CAST: variants seen among roughly 807,000 people sequenced by gnomAD.
CAST encodes calpastatin, also known as MIR583 host.
Under a neutral mutation model 119.6 loss-of-function variants are expected in CAST, and 76 were observed. The ratio of observed to expected loss-of-function variants is 0.64; its 90% confidence interval spans 0.53 to 0.77. The LOEUF (loss-of-function observed/expected upper bound fraction) is 0.77, where lower values mean the gene tolerates loss of function less well. CAST is among the 30% of genes least tolerant of loss of function. The pLI is 0.00. For synonymous variants in CAST, 319 were observed against 331.6 expected (o/e 0.96, Z 0.41); for missense variants, 953 against 946.5 (o/e 1.01, Z -0.09).
intron 25 of CAST, 50 bp downstream of exon 25, chr5:96,762,422 C>A (rs1237056727): frequency 1.5e-6 from 2 of 1,357,806 alleles, no homozygotes; most frequent in African/African-American, 1.5e-5. Flanking sequence ...GCAGCCACAA[C>A]TAGAAAGAAA....
the CAST span, among the ~76,000 whole-genome samples, chr5:96,236,940 C>G: frequency 1.3e-5 from 2 of 152,164 alleles, no homozygotes; most frequent in Non-Finnish European, 2.9e-5. Context: ...GGCCTCTTTC[C>G]TGATCCTTCA....
rs1293930747 is a variant in CAST, at chr5:96,754,714, T to C, written c.1683T>C (p.Pro561=). 6.2e-7 allele frequency: 1 copy of C among 1,607,996 alleles called. No homozygotes were observed. The highest frequency in any genetic ancestry group is 8.5e-7 in the Non-Finnish European group (1 of 1,174,766). The change falls in exon 22 of 32, where the codon CCT becomes CCC. Residue 561 remains proline, a synonymous_variant. Transcript: ENST00000675179. ...EKLGEKEETI[P]PDYRLEEVKD... The stretch of plus-strand genomic sequence containing the variant: ...TTGGTGAAAAAGAAGAAACAATTCC[T>C]CCTGATTATAGATTAGAAGAGGTCA...
the CAST span, among the ~76,000 whole-genome samples, chr5:96,199,793 C>T: frequency 3.3e-5 from 5 of 152,116 alleles, no homozygotes; most frequent in Admixed American, 6.6e-5. Context: ...ACTCCACCTA[C>T]AGCAGACCAA....
the CAST span, among the ~76,000 whole-genome samples, chr5:96,211,285 A>G: frequency 0.042 from 6,383 of 152,058 alleles, 484 homozygotes; most frequent in African/African-American, 0.15. Context: ...CATTAAGTAT[A>G]ATAGTGGCTT....
chr5:96,413,398 A>C, the CAST span, among the ~76,000 whole-genome samples: 1 of 152,274 alleles, frequency 6.6e-6, no homozygotes, highest in Admixed American at 6.5e-5. Flanking sequence ...AATACAATAA[A>C]GTGCACAGCC....
At chr5:96,276,857 T>C in the CAST span, among the ~76,000 whole-genome samples, 1 of 152,148 alleles carries the variant, frequency 6.6e-6, no homozygotes, top group South Asian at 2.1e-4. Context: ...TTTATGAAGG[T>C]TTTCATGCTT....
intron 1 of CAST, among the ~76,000 whole-genome samples, chr5:96,654,557 T>G (rs1281120150): frequency 5.9e-5 from 9 of 152,208 alleles, no homozygotes; most frequent in Admixed American, 4.6e-4. Flanking sequence ...TGCAGAGTTT[T>G]CAGTGGTTTG....
chr5:96,442,070 G>A, the CAST span, among the ~76,000 whole-genome samples: 1 of 152,318 alleles, frequency 6.6e-6, no homozygotes, highest in East Asian at 1.9e-4. Flanking sequence ...TCACAGGTAA[G>A]CAAGGCTAAC....
At chr5:96,238,357 T>TCTTCTTCTTCTTCTC in the CAST span, among the ~76,000 whole-genome samples, 67 of 79,642 alleles carry the variant, frequency 8.4e-4, no homozygotes, top group Admixed American at 1.6e-3. Context: ...ATCTTCATCT[T>TCTTCTTCTTCTTCTC]CTTCTTCTCC....
chr5:96,614,732 A>C (rs17475470), intron 1 of CAST, among the ~76,000 whole-genome samples: 6,366 of 139,544 alleles, frequency 0.046, 206 homozygotes, highest in South Asian at 0.11. Context: ...CCTCTTCCTC[A>C]GTGCTTTTTT....
At chr5:96,594,502 C>G (rs932675288) in intron 1 of CAST, among the ~76,000 whole-genome samples, 1 of 152,114 alleles carries the variant, frequency 6.6e-6, no homozygotes, top group Non-Finnish European at 1.5e-5. Context: ...AATTTAAAAC[C>G]AGCGTTGTAG....
chr5:96,540,542 T>A (rs939214691), intron 1 of CAST, among the ~76,000 whole-genome samples: 1 of 152,218 alleles, frequency 6.6e-6, no homozygotes, highest in African/African-American at 2.4e-5. Context: ...ATTATTAACA[T>A]CTTACTTTAG....
chr5:96,178,976 T>C, the CAST span, among the ~76,000 whole-genome samples: 1 of 152,188 alleles, frequency 6.6e-6, no homozygotes, highest in Non-Finnish European at 1.5e-5. Flanking sequence ...AGAGAGAAAC[T>C]TAGGGGTTCC....
the CAST span, chr5:96,394,777 C>T: frequency 8.2e-7 from 1 of 1,221,212 alleles, no homozygotes; most frequent in Non-Finnish European, 1.2e-6. Context: ...TGACTTATTT[C>T]CTGCTTGGAA....
chr5:96,218,010 C>T, the CAST span, among the ~76,000 whole-genome samples: 5 of 152,258 alleles, frequency 3.3e-5, no homozygotes, highest in East Asian at 1.9e-4. Context: ...TGTTTTGTCT[C>T]CTACCTCAGT....
chr5:96,196,650 A>G, the CAST span, among the ~76,000 whole-genome samples: 50 of 152,316 alleles, frequency 3.3e-4, 1 homozygote, highest in African/African-American at 1.1e-3. Flanking sequence ...CAGCTGGGGA[A>G]TGAAAGAACA....
the CAST span, chr5:96,398,765 C>A: frequency 3.3e-6 from 3 of 901,268 alleles, no homozygotes; most frequent in Non-Finnish European, 5.5e-6. Context: ...TTTTTTAAGA[C>A]CTGAAAATAT....
At chr5:96,564,323 A>G (rs574917586) in intron 1 of CAST, among the ~76,000 whole-genome samples, 29 of 152,236 alleles carry the variant, frequency 1.9e-4, no homozygotes, top group Non-Finnish European at 3.8e-4. Context: ...TATCGATTCC[A>G]GAAAAAAGGT....
intron 1 of CAST, among the ~76,000 whole-genome samples, chr5:96,618,002 C>G (rs1279156412): frequency 6.6e-6 from 1 of 152,022 alleles, no homozygotes; most frequent in Admixed American, 6.6e-5. Context: ...TAGGACAAGG[C>G]TCTGCTCTCC....
Sources: gnomAD v4.1 joint callset for allele counts (sites outside exome capture counted in the v4.1 genomes callset) on GRCh38, gnomAD v4.1.1 for gene constraint, MANE v1.5 for transcripts, NCBI Gene and HGNC (gene_info 2026-07-23, HGNC 2026-07-21) for gene names.